The following TRDMT1 variants were observed in gnomAD, a reference collection of about 807,000 sequenced individuals.
TRDMT1 encodes tRNA (cytosine(38)-C(5))-methyltransferase.
TRDMT1 carries 49 observed loss-of-function variants against 51.2 expected under a neutral mutation model. The ratio of observed to expected loss-of-function variants is 0.96; its 90% CI spans 0.76 to 1.21. TRDMT1 has a LOEUF of 1.21. Ranked by LOEUF, TRDMT1 falls within the 50% of genes most tolerant of loss-of-function variation. TRDMT1 has a pLI of 0.00. For missense variants in TRDMT1, 534 were observed against 462.3 expected (o/e 1.16, Z -1.42); for synonymous variants, 187 against 164.6 (o/e 1.14, Z -1.04).
rs188069465 is a variant in TRDMT1 at position 17,144,653 on chromosome 10, T to C, written c.*4387A>G. The C allele has an allele frequency of 7.1e-6, 7 of 985,322 alleles. No individual in the cohort carries two copies. Among genetic ancestry groups the C allele is most frequent in the East Asian group, 1.1e-4 (1 of 8,814 alleles). The allele number at this position is 985,322 out of a possible 1,614,324, so 61.0% of individuals were successfully genotyped here. A position where few individuals can be genotyped will look rare whatever the true frequency, so the allele number is the denominator to read the frequency against. On this transcript the variant is annotated 3_prime_UTR_variant, in exon 11 of 11. Coordinates refer to ENST00000377799, the MANE Select transcript of TRDMT1 (RefSeq NM_004412.7). ...CATGCTCATATTTCTTGAACAAATATATTTAAAAAGAAATAAATTCACAAG... is the reference window on the plus strand; with the variant it reads ...CATGCTCATATTTCTTGAACAAATACATTTAAAAAGAAATAAATTCACAAG...
intron 1 of TRDMT1, among the ~76,000 whole-genome samples, chr10:17,193,779 C>A (rs1845018898): frequency 6.6e-6 from 1 of 152,158 alleles, no homozygotes; most frequent in Non-Finnish European, 1.5e-5. Flanking sequence ...AAACTACTAG[C>A]ATCATTTTTT....
chr10:17,169,568 G>A lies in TRDMT1; in HGVS notation c.175-651C>T, dbSNP rs963292260. 4 of 1,278,336 alleles carry A rather than the reference G, an allele frequency of 3.1e-6. No homozygotes were observed. In the African/African-American group the frequency reaches 6.1e-5, roughly 19 times the overall value. The allele number at this position is 1,278,336 out of a possible 1,614,324, so 79.2% of individuals were successfully genotyped here. ...TATCTCAGAAGACAAACACAGGGAA[G>A]CACACGTCAGGGGTTTGCCAACTCA... On this transcript the variant is annotated intron_variant, in intron 2 of 10. Transcript: ENST00000377799.
intron 1 of TRDMT1, among the ~76,000 whole-genome samples, chr10:17,190,102 A>G (rs1844486318): frequency 6.6e-6 from 1 of 152,210 alleles, no homozygotes; most frequent in Non-Finnish European, 1.5e-5. Context: ...GTCCAGGCGA[A>G]GTAACGGTAA....
chr10:17,175,795 T>A (rs1452370887), intron 1 of TRDMT1, among the ~76,000 whole-genome samples: 1 of 151,356 alleles, frequency 6.6e-6, no homozygotes, highest in African/African-American at 2.4e-5. Context: ...AAAACAATCA[T>A]AACCTTCCAC....
At chr10:17,154,569 T>C (rs1309481434) in intron 9 of TRDMT1, 108 bp downstream of exon 9, 4 of 604,938 alleles carry the variant, frequency 6.6e-6, no homozygotes, top group Non-Finnish European at 1.0e-5. Flanking sequence ...GAATAAAATA[T>C]ATATTCATGG....
At chr10:17,181,206 G>C (rs1239482408) in intron 1 of TRDMT1, among the ~76,000 whole-genome samples, 1 of 152,164 alleles carries the variant, frequency 6.6e-6, no homozygotes, top group Non-Finnish European at 1.5e-5. Context: ...GTTCTATAAA[G>C]GAAGAGAGTG....
chr10:17,182,429 C>A (rs1413108450), intron 1 of TRDMT1, among the ~76,000 whole-genome samples: 1 of 152,192 alleles, frequency 6.6e-6, no homozygotes, highest in African/African-American at 2.4e-5. Context: ...AAGTGGCAAT[C>A]AGGTGAACAC....
intron 4 of TRDMT1, 58 bp downstream of exon 4, chr10:17,162,108 C>A: frequency 6.9e-7 from 1 of 1,456,396 alleles, no homozygotes; most frequent in Non-Finnish European, 9.6e-7. Context: ...ACGTCACATT[C>A]TTCCAGACCT....
intron 9 of TRDMT1, among the ~76,000 whole-genome samples, chr10:17,154,276 T>G (rs968141262): frequency 6.6e-6 from 1 of 152,166 alleles, no homozygotes; most frequent in African/African-American, 2.4e-5. Context: ...GAAGTATTCA[T>G]AAAGCACATT....
In TRDMT1 at chr10:17,173,437, C is replaced by T. The variant is rs376249669; in HGVS notation, c.174+1114G>A. Among the ~76,000 whole-genome samples the T allele has an allele frequency of 2.0e-4, 30 of 152,208 alleles. 1 individual carries two copies. The highest frequency in any genetic ancestry group is 3.4e-3 in the Middle Eastern group (1 of 294). ...TCAACACTAAACAAAAGCAGTTCCA[C>T]TCAAAAGAACTACACTCTTATGATT... On this transcript the variant is annotated intron_variant, in intron 2 of 10. Transcript: ENST00000377799.
chr10:17,179,754 TAAAA>T (rs10709345), intron 1 of TRDMT1, among the ~76,000 whole-genome samples: 4 of 127,032 alleles, frequency 3.1e-5, no homozygotes, highest in African/African-American at 8.7e-5. Flanking sequence ...TCTCTACTAA[TAAAA>T]AAAAAAAAAA....
chr10:17,194,693 G>A (rs1454640974), intron 1 of TRDMT1, among the ~76,000 whole-genome samples: 2 of 152,276 alleles, frequency 1.3e-5, no homozygotes, highest in African/African-American at 2.4e-5. Context: ...AGCACTTTGG[G>A]AGAACGAGGC....
chr10:17,154,991 G>A (rs1395093936), intron 8 of TRDMT1, among the ~76,000 whole-genome samples: 5 of 134,122 alleles, frequency 3.7e-5, no homozygotes, highest in Non-Finnish European at 8.4e-5. Context: ...AGGCCCAGGC[G>A]GGTGGATCAC....
At position 17,143,521 on chromosome 10, in the gene TRDMT1, G is replaced by A; in HGVS notation, c.*5519C>T. The A allele has an allele frequency of 1.0e-6, 1 of 985,392 alleles. No individual in the cohort carries two copies. The highest frequency in any genetic ancestry group is 4.7e-5 in the South Asian group (1 of 21,286). 61.0% of individuals were successfully genotyped at this position (985,392 alleles called of 1,614,324 possible). ...TCACATGTGAAATTTAACTGGACTTGTGTAAGGAACCAGCTAAGTGAGTAA... is the reference window on the plus strand; with the variant it reads ...TCACATGTGAAATTTAACTGGACTTATGTAAGGAACCAGCTAAGTGAGTAA... On this transcript the variant is annotated 3_prime_UTR_variant, in exon 11 of 11. Coordinates refer to ENST00000377799, the MANE Select transcript of TRDMT1 (RefSeq NM_004412.7).
At chr10:17,160,436 G>A (rs2131425166) in intron 5 of TRDMT1, 62 bp from the exon 6 acceptor site, 2 of 1,141,246 alleles carry the variant, frequency 1.8e-6, no homozygotes, top group Non-Finnish European at 1.2e-6. Context: ...TTTAAATAAT[G>A]TACACAAAAG....
Position 17,168,916 on chromosome 10 carries a change from C to T in TRDMT1, c.176G>A (p.Gly59Asp), listed in dbSNP as rs766696450. 2 of 1,604,192 alleles carry T rather than the reference C, an allele frequency of 1.2e-6. No individual in the cohort carries two copies. The highest frequency in any genetic ancestry group is 1.7e-5 in the Admixed American group (1 of 58,338). ...TCTGTCAAACTCTTCGAGTGTAATG[C>T]CCTGAGGAATGAACATTTAGGGGGA... ...HTQLLAKTIE[G>D]ITLEEFDRLS... The change falls in exon 3 of 11, where the codon GGC becomes GAC. Residue 59 changes from glycine to aspartate, a missense_variant and splice_region_variant. Gly to Asp is a moderately conservative substitution (Grantham distance 94, BLOSUM62 -1). Transcript: ENST00000377799.
At chr10:17,151,313 G>C (rs1838702663) in intron 10 of TRDMT1, 1 of 985,118 alleles carries the variant, frequency 1.0e-6, no homozygotes, top group South Asian at 4.7e-5. Context: ...AGAAACATGG[G>C]ATGAACAAGG....
chr10:17,162,704 G>A (rs1035419933), intron 3 of TRDMT1, among the ~76,000 whole-genome samples: 6 of 152,168 alleles, frequency 3.9e-5, no homozygotes, highest in Non-Finnish European at 7.3e-5. Flanking sequence ...TCAGCCGGGC[G>A]TGGTGGGGTA....
chr10:17,144,449 G>C lies in TRDMT1; in HGVS notation c.*4591C>G, dbSNP rs537702329. 1 of 985,540 alleles carries C rather than the reference G, an allele frequency of 1.0e-6. No individual in the cohort carries two copies. 61.0% of individuals were successfully genotyped at this position (985,540 alleles called of 1,614,324 possible). ...TCTTGTAATTTTTGTGAAAATTTCCGGTCTCATATTTATAGGAAAAATGAG... is the reference window on the plus strand; with the variant it reads ...TCTTGTAATTTTTGTGAAAATTTCCCGTCTCATATTTATAGGAAAAATGAG... On this transcript the variant is annotated 3_prime_UTR_variant, in exon 11 of 11. Coordinates refer to ENST00000377799, the MANE Select transcript of TRDMT1 (RefSeq NM_004412.7).
Sources: allele counts gnomAD v4.1 joint callset (sites outside exome capture counted in the v4.1 genomes callset), GRCh38; gene constraint gnomAD v4.1.1; transcripts MANE v1.5; gene names NCBI Gene and HGNC (gene_info 2026-07-23, HGNC 2026-07-21).